Variants in SNTG2 observed in about 807,000 individuals in gnomAD.
SNTG2 encodes syntrophin gamma 2.
Under a neutral mutation model 70.9 loss-of-function variants are expected in SNTG2, and 74 were observed. The ratio of observed to expected loss-of-function variants is 1.04; its 90% CI spans 0.86 to 1.27. The LOEUF (loss-of-function observed/expected upper bound fraction) is 1.27, where lower values mean the gene tolerates loss of function less well. Among genes scored for constraint, SNTG2 ranks in the 50% most tolerant of loss-of-function variants. The pLI, the probability that SNTG2 is intolerant of heterozygous loss-of-function variation, is 0.00. For missense variants in SNTG2, 717 were observed against 690.7 expected, an observed-to-expected ratio of 1.04 and a Z score of -0.43; for synonymous variants, 278 against 273.8, an observed-to-expected ratio of 1.02 and a Z score of -0.15.
chr2:1,101,614 G>A (rs913662409), intron 4 of SNTG2, among the ~76,000 whole-genome samples: 7 of 95,932 alleles, frequency 7.3e-5, no homozygotes, highest in African/African-American at 3.8e-4. Flanking sequence ...GGGAGTGCAG[G>A]AGGGCTGTGG....
chr2:991,345 G>T (rs922815764), intron 1 of SNTG2, among the ~76,000 whole-genome samples: 12 of 147,676 alleles, frequency 8.1e-5, no homozygotes, highest in Non-Finnish European at 1.8e-4. Flanking sequence ...AAGTTGTGGA[G>T]AAGGGAGCTT....
chr2:1,131,040 A>G (rs1305362710), intron 4 of SNTG2, among the ~76,000 whole-genome samples: 2 of 152,226 alleles, frequency 1.3e-5, no homozygotes, highest in South Asian at 2.1e-4. Context: ...GGATTTATAC[A>G]GTCAACAGGA....
intron 8 of SNTG2, among the ~76,000 whole-genome samples, chr2:1,177,856 T>G (rs1170798291): frequency 6.6e-6 from 1 of 152,188 alleles, no homozygotes; most frequent in Non-Finnish European, 1.5e-5. Flanking sequence ...TTTAAATAAT[T>G]TCTTTTATAT....
intron 7 of SNTG2, among the ~76,000 whole-genome samples, chr2:1,168,582 C>T (rs1670911484): frequency 6.6e-6 from 1 of 152,258 alleles, no homozygotes; most frequent in African/African-American, 2.4e-5. Flanking sequence ...CATAGCATGA[C>T]TTCTGCTTTC....
At chr2:1,183,852 AAG>A (rs1439099911) in intron 8 of SNTG2, among the ~76,000 whole-genome samples, 1 of 152,250 alleles carries the variant, frequency 6.6e-6, no homozygotes, top group Non-Finnish European at 1.5e-5. Flanking sequence ...GCATTAAAAA[AAG>A]AGTTTTTCCA....
At chr2:1,361,502 A>G (rs1055580195) in intron 16 of SNTG2, among the ~76,000 whole-genome samples, 6 of 152,244 alleles carry the variant, frequency 3.9e-5, no homozygotes, top group Non-Finnish European at 8.8e-5. Flanking sequence ...TATGCAAACA[A>G]AGAGTGTTTA....
At chr2:977,668 C>T (rs951425567) in intron 1 of SNTG2, among the ~76,000 whole-genome samples, 4 of 152,156 alleles carry the variant, frequency 2.6e-5, no homozygotes, top group South Asian at 2.1e-4. Flanking sequence ...TTAAACTCAT[C>T]GACAGCTACT....
chr2:1,264,162 T>C (rs1038129603), intron 13 of SNTG2, among the ~76,000 whole-genome samples: 2 of 152,232 alleles, frequency 1.3e-5, no homozygotes, highest in Non-Finnish European at 2.9e-5. Flanking sequence ...ATACAATATA[T>C]GTAGATACTA....
At chr2:1,366,623 C>T (rs1028824686) in intron 16 of SNTG2, among the ~76,000 whole-genome samples, 4 of 152,206 alleles carry the variant, frequency 2.6e-5, no homozygotes, top group Non-Finnish European at 4.4e-5. Context: ...CCTGCTCTCC[C>T]GTAGCCATGG....
chr2:957,678 T>G (rs1233674187), intron 1 of SNTG2, among the ~76,000 whole-genome samples: 7 of 152,004 alleles, frequency 4.6e-5, no homozygotes, highest in Admixed American at 1.3e-4. Context: ...TCGGGCAACA[T>G]TTGTCTTCCG....
chr2:1,158,832 C>T (rs1670075415), intron 6 of SNTG2, among the ~76,000 whole-genome samples: 1 of 152,118 alleles, frequency 6.6e-6, no homozygotes, highest in Non-Finnish European at 1.5e-5. Flanking sequence ...GTCGTGTGTG[C>T]AGGAAGGCTT....
chr2:973,969 C>A (rs1012288535), intron 1 of SNTG2, among the ~76,000 whole-genome samples: 3 of 152,160 alleles, frequency 2.0e-5, no homozygotes, highest in Non-Finnish European at 4.4e-5. Context: ...AAATCTCAGT[C>A]ATTTTGAAAT....
chr2:1,154,161 G>T (rs866634443), intron 6 of SNTG2, among the ~76,000 whole-genome samples: 17 of 152,272 alleles, frequency 1.1e-4, no homozygotes, highest in African/African-American at 3.8e-4. Flanking sequence ...GAAAGGGCGC[G>T]GGCGGGGAGA....
chr2:1,005,039 G>A (rs1659523939), intron 1 of SNTG2, among the ~76,000 whole-genome samples: 2 of 152,128 alleles, frequency 1.3e-5, no homozygotes, highest in Non-Finnish European at 2.9e-5. Flanking sequence ...ACAAAAAAAT[G>A]GAGGAAATTT....
chr2:989,766 G>A (rs1164984718), intron 1 of SNTG2, among the ~76,000 whole-genome samples: 2 of 152,222 alleles, frequency 1.3e-5, no homozygotes, highest in South Asian at 4.1e-4. Context: ...GCAGTAAAGC[G>A]ACTTAAGACT....
At chr2:1,162,071 C>CAACAAAA in intron 6 of SNTG2, among the ~76,000 whole-genome samples, 1 of 89,774 alleles carries the variant, frequency 1.1e-5, no homozygotes, top group East Asian at 3.7e-4. Flanking sequence ...GACTCCGTCT[C>CAACAAAA]AAAAAAAAAA....
At chr2:965,343 T>C (rs1232898724) in intron 1 of SNTG2, among the ~76,000 whole-genome samples, 262 of 90,358 alleles carry the variant, frequency 2.9e-3, no homozygotes, top group African/African-American at 7.1e-3. Context: ...CTCCTCCTGG[T>C]CCCCAGTCCT....
chr2:999,226 A>G (rs1353816813), intron 1 of SNTG2, among the ~76,000 whole-genome samples: 1 of 152,118 alleles, frequency 6.6e-6, no homozygotes, highest in Non-Finnish European at 1.5e-5. Context: ...CAATTATGCA[A>G]ATGAGACTAC....
intron 4 of SNTG2, among the ~76,000 whole-genome samples, chr2:1,120,923 G>C (rs780685845): frequency 3.3e-5 from 5 of 151,952 alleles, no homozygotes; most frequent in Non-Finnish European, 7.4e-5. Context: ...GATATATAAA[G>C]AACTTTCCAT....
Sources: gnomAD v4.1 joint callset for allele counts (sites outside exome capture counted in the v4.1 genomes callset) on GRCh38, gnomAD v4.1.1 for gene constraint, MANE v1.5 for transcripts, NCBI Gene and HGNC (gene_info 2026-07-23, HGNC 2026-07-21) for gene names.